The following DHX37 variants were observed in gnomAD, a reference collection of about 807,000 sequenced individuals.
The protein encoded by DHX37 is probable ATP-dependent RNA helicase DHX37.
In DHX37, 52 loss-of-function variants were observed where a neutral mutation model predicts 134.3. The observed-to-expected ratio is 0.39, with a 90% CI of 0.31 to 0.49. The LOEUF (loss-of-function observed/expected upper bound fraction) is 0.49. DHX37 is among the 20% of genes least tolerant of loss of function. The pLI, the probability that DHX37 is intolerant of heterozygous loss-of-function variation, is 0.93. For synonymous variants in DHX37, 634 were observed against 670.7 expected (o/e 0.95, Z 0.85); for missense variants, 1,344 against 1,580.8 (o/e 0.85, Z 2.54).
intron 16 of DHX37, among the ~76,000 whole-genome samples, chr12:124,958,108 G>A (rs1954139061): frequency 6.6e-6 from 1 of 152,230 alleles, no homozygotes; most frequent in East Asian, 1.9e-4. Context: ...CAGATAAAGG[G>A]TACATGCTTC....
At chr12:124,987,933 C>G (rs1263845880) in intron 1 of DHX37, among the ~76,000 whole-genome samples, 2 of 149,690 alleles carry the variant, frequency 1.3e-5, no homozygotes. Flanking sequence ...GATGTGAAAA[C>G]GAAGGCACAG....
Position 124,981,852 on chromosome 12 carries a change from G to A in DHX37, c.389+659C>T, listed in dbSNP as rs189023628. Among the ~76,000 whole-genome samples the A allele has an allele frequency of 4.6e-5, 7 of 151,986 alleles. No homozygotes were observed. In the East Asian group the frequency reaches 9.8e-4, roughly 21 times the overall value. ...AAAACGACACAAACCAGTCGGGCGC[G>A]GTGGCTCACGCCTGTAATCCCAGCA... On this transcript the variant is annotated intron_variant, in intron 3 of 26. Coordinates refer to ENST00000308736, the MANE Select transcript of DHX37 (RefSeq NM_032656.4).
chr12:124,972,701 G>A, intron 6 of DHX37, 102 bp from the exon 7 acceptor site: 2 of 1,122,960 alleles, frequency 1.8e-6, no homozygotes, highest in South Asian at 2.5e-5. Context: ...GCGGCTTGAG[G>A]GCAGGGCCCG....
chr12:124,952,356 G>A lies in DHX37; in HGVS notation c.2868+42C>T, dbSNP rs80318053. 11,311 of 1,559,452 alleles carry A rather than the reference G, an allele frequency of 7.3e-3. 66 individuals carry two copies. Among genetic ancestry groups the A allele is most frequent in the Non-Finnish European group, 7.8e-3 (9,014 of 1,156,992 alleles). On this transcript the variant is annotated intron_variant, in intron 21 of 26. Coordinates refer to ENST00000308736, the MANE Select transcript of DHX37 (RefSeq NM_032656.4). ...GCCCAGCCCGCCTGCCCCTCACCAG[G>A]TGCCCCAAGCTACCCGGGCAGGGAG...
chr12:124,977,318 G>A, intron 5 of DHX37, 24 bp downstream of exon 5: 1 of 1,503,752 alleles, frequency 6.7e-7, no homozygotes, highest in Non-Finnish European at 8.9e-7. Flanking sequence ...GGGACCCAGA[G>A]AGAACCCTGT....
intron 16 of DHX37, among the ~76,000 whole-genome samples, chr12:124,957,577 G>A (rs890143517): frequency 6.6e-6 from 1 of 152,160 alleles, no homozygotes; most frequent in Non-Finnish European, 1.5e-5. Context: ...CCTGAGGTCA[G>A]GAGTTCGAGA....
intron 16 of DHX37, 99 bp from the exon 17 acceptor site, chr12:124,957,234 T>G: frequency 8.6e-7 from 1 of 1,158,484 alleles, no homozygotes. Flanking sequence ...AACCCCTCTC[T>G]CCGGGCTCAG....
intron 16 of DHX37, among the ~76,000 whole-genome samples, chr12:124,959,818 T>C (rs571817834): frequency 3.3e-5 from 5 of 152,228 alleles, no homozygotes. Flanking sequence ...ACTAGATGTG[T>C]GTCCCTGGAC....
chr12:124,953,719 T>C, intron 20 of DHX37, 161 bp downstream of exon 20: 13 of 1,270,490 alleles, frequency 1.0e-5, no homozygotes, highest in Non-Finnish European at 1.4e-5. Flanking sequence ...CATTCCCTTG[T>C]TCCTGGAAAA....
intron 6 of DHX37, 150 bp downstream of exon 6, chr12:124,975,269 T>C: frequency 1.3e-6 from 1 of 799,544 alleles, no homozygotes; most frequent in Non-Finnish European, 2.0e-6. Context: ...GAAAGTTCTC[T>C]CACACAATGA....
chr12:124,962,380 G>A (rs1417079709), intron 15 of DHX37, among the ~76,000 whole-genome samples: 1 of 152,166 alleles, frequency 6.6e-6, no homozygotes, highest in Non-Finnish European at 1.5e-5. Context: ...AATTGGCCGG[G>A]CGCCGTGGCT....
At chr12:124,966,376 A>T (rs73229572) in intron 12 of DHX37, among the ~76,000 whole-genome samples, 14,764 of 151,788 alleles carry the variant, frequency 0.097, 750 homozygotes, top group South Asian at 0.11. Flanking sequence ...CTTCTTTTCC[A>T]TTTCTGAGAC....
At chr12:124,971,954 A>C (rs1374154242) in intron 7 of DHX37, among the ~76,000 whole-genome samples, 2 of 152,210 alleles carry the variant, frequency 1.3e-5, no homozygotes. Context: ...TTACAAATGG[A>C]AAGTCCTTGG....
chr12:124,952,566 A>T lies in DHX37; in HGVS notation c.2700T>A (p.Asn900Lys). 1 of 1,582,262 alleles carries T rather than the reference A, an allele frequency of 6.3e-7. No individual in the cohort carries two copies. Among genetic ancestry groups the T allele is most frequent in the Non-Finnish European group, 8.6e-7 (1 of 1,159,216 alleles). ...AGAGCTCAGCCTCGGGGCACACGGC[A>T]TTGACTGAGGGGAGAACCAAGAGTG... Reference protein sequence around the residue: ...RLRGQLTTAVNAVCPEAELFV... With the variant: ...RLRGQLTTAVKAVCPEAELFV... Residue 900 changes from asparagine to lysine, a missense_variant, in exon 21 of 27, where the codon AAT (asparagine) becomes AAA (lysine). This residue lies in a region of DHX37 where 558 missense variants were observed against 650.0 expected (regional missense o/e 0.86). Coordinates refer to ENST00000308736, the MANE Select transcript of DHX37 (RefSeq NM_032656.4).
At chr12:124,961,243 C>T (rs577343304) in intron 15 of DHX37, among the ~76,000 whole-genome samples, 2 of 137,280 alleles carry the variant, frequency 1.5e-5, no homozygotes, top group South Asian at 2.4e-4. Context: ...CACACATACA[C>T]GCGTGCACGC....
intron 5 of DHX37, among the ~76,000 whole-genome samples, chr12:124,975,992 C>A (rs1425652225): frequency 6.6e-6 from 1 of 152,190 alleles, no homozygotes; most frequent in Admixed American, 6.5e-5. Flanking sequence ...CTGTGCCCAG[C>A]CTGTTTGTGC....
intron 10 of DHX37, among the ~76,000 whole-genome samples, chr12:124,967,866 C>T (rs1328720482): frequency 1.3e-5 from 2 of 152,006 alleles, no homozygotes; most frequent in African/African-American, 4.8e-5. Flanking sequence ...GTCAGGAGTT[C>T]GAGACCAGCC....
Position 124,954,198 on chromosome 12 carries a change from C to A in DHX37, c.2467G>T (p.Asp823Tyr). Residue 823 changes from aspartate (D) to tyrosine (Y), a missense_variant, in exon 19 of 27, where the codon GAC (aspartate) becomes TAC (tyrosine). By Grantham distance (160) the Asp-to-Tyr change is radical (BLOSUM62 -3). Around this residue, in one of 7 missense-constraint regions of DHX37, gnomAD observed 558 missense variants for 650.0 expected, o/e 0.86. Transcript: ENST00000308736. ...CTCTTCAGCCTGGTGAGCTCCTCGTCACTGGCCGCTGGTCTGCAAACACAC... is the reference window on the plus strand; with the variant it reads ...CTCTTCAGCCTGGTGAGCTCCTCGTAACTGGCCGCTGGTCTGCAAACACAC... ...FEELDRPAASDEELTRLKSKR... is the reference protein window; with the variant it reads ...FEELDRPAASYEELTRLKSKR... 1.2e-6 allele frequency: 2 copies of A among 1,600,972 alleles called. No individual in the cohort carries two copies. Among genetic ancestry groups the A allele is most frequent in the South Asian group, 2.2e-5 (2 of 88,950 alleles).
At chr12:124,961,180 G>A (rs1954235689) in intron 15 of DHX37, among the ~76,000 whole-genome samples, 1 of 29,416 alleles carries the variant, frequency 3.4e-5, no homozygotes, top group Non-Finnish European at 7.0e-5. Context: ...ACGCGCGCAT[G>A]CGCGCACGCA....
Sources: allele counts gnomAD v4.1 joint callset (sites outside exome capture counted in the v4.1 genomes callset), GRCh38; gene constraint gnomAD v4.1.1; regional missense constraint gnomAD v4.1.1; transcripts MANE v1.5; gene names NCBI Gene and HGNC (gene_info 2026-07-23, HGNC 2026-07-21).